Variants in CACNA2D4 observed in about 807,000 individuals in gnomAD.
CACNA2D4 encodes calcium voltage-gated channel auxiliary subunit alpha2delta 4, also known as voltage-dependent calcium channel subunit alpha-2/delta-4.
In CACNA2D4, 157 loss-of-function variants were observed where a neutral mutation model predicts 163.8. The ratio of observed to expected loss-of-function variants is 0.96; its 90% CI spans 0.84 to 1.09. The LOEUF (loss-of-function observed/expected upper bound fraction) is 1.09, where lower values mean the gene tolerates loss of function less well. CACNA2D4 is among the 50% of genes least tolerant of loss of function. The pLI is 0.00. For missense variants in CACNA2D4, 1,410 were observed against 1,479.9 expected, an observed-to-expected ratio of 0.95 and a Z score of 0.78; for synonymous variants, 598 against 586.9, an observed-to-expected ratio of 1.02 and a Z score of -0.27.
At position 1,875,288 on chromosome 12, in the gene CACNA2D4, T is replaced by C; in HGVS notation, c.1769A>G (p.Asp590Gly). Residue 590 changes from aspartate (D) to glycine (G), a missense_variant, in exon 17 of 38, where the codon GAT (aspartate) becomes GGT (glycine). Coordinates refer to ENST00000382722, the MANE Select transcript of CACNA2D4 (RefSeq NM_172364.5). This position sits in a 1 kb window ranked among gnomAD's most constrained non-coding sequence, Gnocchi z 4.0. Reference protein sequence around the residue: ...LKPKPNYNSVDLSEVEWEDQA... With the variant: ...LKPKPNYNSVGLSEVEWEDQA... ...GTCTTCCCACTCCACTTCGGAGAGA[T>C]CCACACTGTTGTAGTTAGGTTTGGG... The C allele has an allele frequency of 6.2e-7, 1 of 1,613,916 alleles. No individual in the cohort carries two copies. The highest frequency in any genetic ancestry group is 8.5e-7 in the Non-Finnish European group (1 of 1,179,818).
intron 20 of CACNA2D4, 103 bp from the exon 21 acceptor site, chr12:1,856,332 C>T (rs988718836): frequency 1.1e-5 from 14 of 1,268,476 alleles, no homozygotes; most frequent in Non-Finnish European, 1.6e-5. Flanking sequence ...AAGAAAGGGA[C>T]TGGGGTCTGT....
At chr12:1,805,515 A>G (rs1216205396) in intron 29 of CACNA2D4, among the ~76,000 whole-genome samples, 1 of 152,138 alleles carries the variant, frequency 6.6e-6, no homozygotes, top group Admixed American at 6.5e-5. Context: ...GGTCGGGATC[A>G]GTTTCCTTTT....
At chr12:1,849,105 A>C (rs147225039) in intron 23 of CACNA2D4, among the ~76,000 whole-genome samples, 363 of 152,272 alleles carry the variant, frequency 2.4e-3, no homozygotes, top group South Asian at 8.5e-3. Flanking sequence ...TTCTTCTAGG[A>C]TCATGGGCTC....
intron 35 of CACNA2D4, among the ~76,000 whole-genome samples, chr12:1,796,950 C>T (rs533832150): frequency 6.6e-6 from 1 of 152,328 alleles, no homozygotes; most frequent in Non-Finnish European, 1.5e-5. Context: ...CCCAGCGACC[C>T]GAGGACATCG....
At chr12:1,909,248 G>A (rs1866752894) in intron 4 of CACNA2D4, among the ~76,000 whole-genome samples, 1 of 152,240 alleles carries the variant, frequency 6.6e-6, no homozygotes, top group Non-Finnish European at 1.5e-5. Flanking sequence ...CTGGAGTGCA[G>A]TGGCGCGATC....
chr12:1,881,067 G>C (rs149807721), intron 13 of CACNA2D4, among the ~76,000 whole-genome samples: 1 of 152,186 alleles, frequency 6.6e-6, no homozygotes, highest in Non-Finnish European at 1.5e-5. Flanking sequence ...AGAGGGTTCC[G>C]AAGTGGGTCC....
At chr12:1,819,810 C>G (rs1167507016) in intron 26 of CACNA2D4, among the ~76,000 whole-genome samples, 1 of 152,212 alleles carries the variant, frequency 6.6e-6, no homozygotes, top group Non-Finnish European at 1.5e-5. Flanking sequence ...CAAGCTCGTC[C>G]CTGGCACTGA....
chr12:1,844,573 A>G lies in CACNA2D4; in HGVS notation c.2343-44T>C. Reference sequence around the variant, plus strand: ...GGTACCTCTCCCCAGATCTGTGAACACAGTCATCACTCTTTCCTTTTCTCA... The same window carrying G: ...GGTACCTCTCCCCAGATCTGTGAACGCAGTCATCACTCTTTCCTTTTCTCA... On this transcript the variant is annotated intron_variant, in intron 24 of 37. Transcript: ENST00000382722. The surrounding 1 kb of genome is among the most constrained non-coding windows in gnomAD (Gnocchi z 4.2). 1 of 1,591,360 alleles carries G rather than the reference A, an allele frequency of 6.3e-7. No homozygotes were observed. The highest frequency in any genetic ancestry group is 8.6e-7 in the Non-Finnish European group (1 of 1,164,872).
intron 20 of CACNA2D4, among the ~76,000 whole-genome samples, 161 bp downstream of exon 20, chr12:1,858,416 C>A (rs112591792): frequency 1.3e-5 from 2 of 152,170 alleles, no homozygotes; most frequent in Admixed American, 1.3e-4. Flanking sequence ...GGGACACACA[C>A]GCCCCTCTCC....
chr12:1,914,846 T>C lies in CACNA2D4; in HGVS notation c.309+8A>G. ...ACCCGGTGGGCTCTCTGGAAGGGGGTGACTGACCTTCTGCAGCAAGAGAGA... is the reference window on the plus strand; with the variant it reads ...ACCCGGTGGGCTCTCTGGAAGGGGGCGACTGACCTTCTGCAGCAAGAGAGA... On this transcript the variant is annotated splice_region_variant and intron_variant, in intron 2 of 37. Coordinates refer to ENST00000382722, the MANE Select transcript of CACNA2D4 (RefSeq NM_172364.5). 6.2e-7 allele frequency: 1 copy of C among 1,607,750 alleles called. No individual in the cohort carries two copies.
At chr12:1,840,605 T>G (rs1451187101) in intron 26 of CACNA2D4, 134 bp downstream of exon 26, 2 of 680,040 alleles carry the variant, frequency 2.9e-6, no homozygotes, top group Non-Finnish European at 2.6e-6. Flanking sequence ...AAGAGTGCAC[T>G]TCCACCCATC....
intron 22 of CACNA2D4, among the ~76,000 whole-genome samples, chr12:1,855,310 T>A (rs1012201779): frequency 6.6e-6 from 1 of 152,126 alleles, no homozygotes; most frequent in Non-Finnish European, 1.5e-5. Flanking sequence ...GTAAGTGCCC[T>A]GTTGGGTTGG....
chr12:1,858,446 A>C (rs1036961742), intron 20 of CACNA2D4, 131 bp downstream of exon 20: 11 of 753,054 alleles, frequency 1.5e-5, no homozygotes, highest in Non-Finnish European at 1.1e-5. Context: ...CATTGTTCTG[A>C]GAGGCTGCTC....
intron 6 of CACNA2D4, among the ~76,000 whole-genome samples, chr12:1,903,044 G>A (rs1291976740): frequency 6.6e-6 from 1 of 151,906 alleles, no homozygotes; most frequent in Non-Finnish European, 1.5e-5. Context: ...AGAATAGAGA[G>A]TGCAGAAATG....
At chr12:1,838,183 C>T (rs561704564) in intron 26 of CACNA2D4, among the ~76,000 whole-genome samples, 2 of 152,212 alleles carry the variant, frequency 1.3e-5, no homozygotes, top group Non-Finnish European at 2.9e-5. Flanking sequence ...AAACCACCTG[C>T]TTAGGGATGA....
intron 23 of CACNA2D4, among the ~76,000 whole-genome samples, chr12:1,850,491 A>G (rs1865252603): frequency 6.6e-6 from 1 of 152,228 alleles, no homozygotes; most frequent in Non-Finnish European, 1.5e-5. Flanking sequence ...CATAATATAT[A>G]GAGTAACCCT....
intron 6 of CACNA2D4, among the ~76,000 whole-genome samples, chr12:1,896,334 T>G (rs953592250): frequency 9.9e-5 from 15 of 152,152 alleles, no homozygotes; most frequent in Admixed American, 9.8e-4. Flanking sequence ...AAACTATTCA[T>G]CTGACAAGGG....
chr12:1,867,536 A>G (rs1865680245), intron 18 of CACNA2D4, among the ~76,000 whole-genome samples: 1 of 152,170 alleles, frequency 6.6e-6, no homozygotes, highest in Admixed American at 6.5e-5. Flanking sequence ...TGGTTTTAAA[A>G]TTTTCATTTG....
At chr12:1,876,312 G>A (rs1326346097) in intron 16 of CACNA2D4, among the ~76,000 whole-genome samples, 1 of 152,118 alleles carries the variant, frequency 6.6e-6, no homozygotes, top group Non-Finnish European at 1.5e-5. Flanking sequence ...GCTTAATAAA[G>A]ACCTCCCTTC....
Sources: allele counts gnomAD v4.1 joint callset (sites outside exome capture counted in the v4.1 genomes callset), GRCh38; gene constraint gnomAD v4.1.1; non-coding constraint Gnocchi (gnomAD v3.1); transcripts MANE v1.5; gene names NCBI Gene and HGNC (gene_info 2026-07-23, HGNC 2026-07-21).